TAFA1: variants seen among roughly 807,000 people sequenced by gnomAD.
TAFA1 encodes the protein chemokine-like protein TAFA-1.
TAFA1 carries 4 observed loss-of-function variants against 18.5 expected under a neutral mutation model. That is an observed-to-expected ratio of 0.22 (90% CI 0.11 to 0.49). The LOEUF is 0.49. TAFA1 is among the 20% of genes least tolerant of loss of function. The probability of loss-of-function intolerance (pLI) is 0.98; values close to 1 mark genes in which losing one functional copy is unlikely to be tolerated. For missense variants in TAFA1, 147 were observed against 169.0 expected (o/e 0.87, Z 0.72); for synonymous variants, 56 against 55.2 (o/e 1.01, Z -0.06).
At chr3:68,317,737 G>A (rs1416473030) in intron 2 of TAFA1, among the ~76,000 whole-genome samples, 5 of 152,306 alleles carry the variant, frequency 3.3e-5, no homozygotes, top group Non-Finnish European at 7.4e-5. Context: ...AAGTAGGGGG[G>A]AAAGTACAAT....
intron 3 of TAFA1, among the ~76,000 whole-genome samples, chr3:68,510,249 A>G (rs2072825217): frequency 6.6e-6 from 1 of 152,100 alleles, no homozygotes; most frequent in African/African-American, 2.4e-5. Context: ...TGTCTTTGCA[A>G]TAGGACATAT....
At chr3:68,260,329 A>T (rs2107191984) in intron 2 of TAFA1, among the ~76,000 whole-genome samples, 1 of 152,156 alleles carries the variant, frequency 6.6e-6, no homozygotes, top group Admixed American at 6.5e-5. Context: ...GTGCTGCTGA[A>T]TTTGGTTTGC....
At chr3:68,139,039 G>A (rs1003552309) in intron 2 of TAFA1, among the ~76,000 whole-genome samples, 1 of 152,128 alleles carries the variant, frequency 6.6e-6, no homozygotes, top group Non-Finnish European at 1.5e-5. Flanking sequence ...TGTAGAAACA[G>A]GCAGATTGTT....
chr3:68,211,996 A>G (rs2066603218), intron 2 of TAFA1, among the ~76,000 whole-genome samples: 1 of 152,026 alleles, frequency 6.6e-6, no homozygotes. Flanking sequence ...AGCAAACTCT[A>G]ATCAAGTAAA....
intron 2 of TAFA1, among the ~76,000 whole-genome samples, chr3:68,222,983 T>C (rs1481681187): frequency 6.6e-6 from 1 of 152,158 alleles, no homozygotes; most frequent in Non-Finnish European, 1.5e-5. Context: ...CTGGCCAGTA[T>C]TGTTTTTTAA....
At chr3:68,021,581 A>G (rs1265482479) in intron 2 of TAFA1, among the ~76,000 whole-genome samples, 3 of 152,230 alleles carry the variant, frequency 2.0e-5, no homozygotes, top group African/African-American at 7.2e-5. Flanking sequence ...TGTGTGTTTC[A>G]TCTATACTGC....
chr3:68,330,065 T>C (rs972178904), intron 2 of TAFA1, among the ~76,000 whole-genome samples: 6 of 152,196 alleles, frequency 3.9e-5, no homozygotes, highest in African/African-American at 7.2e-5. Context: ...AGAATGTTAA[T>C]AGATATGTGA....
At chr3:68,247,491 G>A (rs1203453539) in intron 2 of TAFA1, 1 of 152,160 alleles carries the variant, frequency 6.6e-6, no homozygotes, top group Non-Finnish European at 1.5e-5. Context: ...GGTCCCTCAT[G>A]CTGCAGGTAT....
intron 2 of TAFA1, among the ~76,000 whole-genome samples, chr3:68,243,504 C>G (rs1236424064): frequency 6.6e-6 from 1 of 152,194 alleles, no homozygotes; most frequent in African/African-American, 2.4e-5. Context: ...AACTACTAAT[C>G]TCTTCTGACT....
rs550644992 is a variant in TAFA1, at chr3:68,388,573, A to C, written c.119-28707A>C. ...GCCACCTATGACGTTTTTTTTATCT[A>C]ACCACCAGCATCCTTTTTATTTGCT... On this transcript the variant is annotated intron_variant, in intron 2 of 4. Coordinates refer to ENST00000478136, the MANE Select transcript of TAFA1 (RefSeq NM_213609.4). Among the ~76,000 whole-genome samples, 6 of 152,084 alleles carry C rather than the reference A, an allele frequency of 3.9e-5. No homozygotes were observed. The South Asian group carries it at 1.2e-3, about 32-fold the overall frequency.
chr3:68,240,872 T>G (rs897904538), intron 2 of TAFA1, among the ~76,000 whole-genome samples: 2 of 152,210 alleles, frequency 1.3e-5, no homozygotes, highest in African/African-American at 4.8e-5. Flanking sequence ...GGCTTTGCTG[T>G]ACAGAGACAG....
chr3:68,074,477 A>AAGGG (rs2064799667), intron 2 of TAFA1, among the ~76,000 whole-genome samples: 1 of 152,200 alleles, frequency 6.6e-6, no homozygotes, highest in Admixed American at 6.5e-5. Context: ...ACCTTGGGCA[A>AAGGG]ATATTAAACT....
chr3:68,336,654 A>C (rs1357304426), intron 2 of TAFA1, among the ~76,000 whole-genome samples: 3 of 152,222 alleles, frequency 2.0e-5, no homozygotes, highest in Non-Finnish European at 4.4e-5. Context: ...TTAAATCAGA[A>C]TATCTGGGGT....
At chr3:68,542,847 A>C (rs2073399631) in intron 4 of TAFA1, among the ~76,000 whole-genome samples, 1 of 152,174 alleles carries the variant, frequency 6.6e-6, no homozygotes, top group South Asian at 2.1e-4. Context: ...AGAGCCACTT[A>C]GGCCTTCATG....
intron 2 of TAFA1, among the ~76,000 whole-genome samples, chr3:68,317,214 TC>T (rs570431814): frequency 2.3e-3 from 355 of 152,306 alleles, no homozygotes; most frequent in Admixed American, 6.1e-3. Context: ...TGTTTATAGG[TC>T]CTGCCTTTCC....
chr3:68,128,490 A>C (rs2065498941), intron 2 of TAFA1, among the ~76,000 whole-genome samples: 1 of 152,206 alleles, frequency 6.6e-6, no homozygotes, highest in African/African-American at 2.4e-5. Flanking sequence ...AAAGGTCAAA[A>C]ACTGATTTCC....
chr3:68,014,269 G>A (rs1044682460), intron 2 of TAFA1, among the ~76,000 whole-genome samples: 4 of 152,198 alleles, frequency 2.6e-5, no homozygotes, highest in Non-Finnish European at 5.9e-5. Context: ...ACAGTATACT[G>A]CATTAGGATC....
chr3:68,387,891 A>G (rs2070138613), intron 2 of TAFA1, among the ~76,000 whole-genome samples: 1 of 152,204 alleles, frequency 6.6e-6, no homozygotes. Flanking sequence ...ATGAAAAACA[A>G]TTATTATTGT....
At chr3:68,011,912 T>C (rs1207417480) in intron 2 of TAFA1, among the ~76,000 whole-genome samples, 2 of 152,218 alleles carry the variant, frequency 1.3e-5, no homozygotes, top group African/African-American at 2.4e-5. Flanking sequence ...TATGAACTTA[T>C]AAGAAAATTA....
Sources: gnomAD v4.1 joint callset for allele counts (sites outside exome capture counted in the v4.1 genomes callset) on GRCh38, gnomAD v4.1.1 for gene constraint, MANE v1.5 for transcripts, NCBI Gene and HGNC (gene_info 2026-07-23, HGNC 2026-07-21) for gene names.